Variants in CHODL observed in about 807,000 individuals in gnomAD.
CHODL encodes transmembrane protein MT75.
In CHODL, 29 loss-of-function variants were observed where a neutral mutation model predicts 34.5. That is an observed-to-expected ratio of 0.84 (90% CI 0.63 to 1.15). The LOEUF (loss-of-function observed/expected upper bound fraction) is 1.15, where lower values mean the gene tolerates loss of function less well. Ranked by LOEUF, CHODL falls within the 50% of genes most tolerant of loss-of-function variation. The pLI is 0.00. For missense variants in CHODL, 332 were observed against 332.5 expected (o/e 1.00, Z 0.01); for synonymous variants, 125 against 116.1 (o/e 1.08, Z -0.49).
intron 2 of CHODL, among the ~76,000 whole-genome samples, chr21:18,091,061 G>A (rs2065067362): frequency 6.6e-6 from 1 of 152,188 alleles, no homozygotes; most frequent in Non-Finnish European, 1.5e-5. Context: ...ACAGCACCTG[G>A]GGGACTTTGC....
At chr21:18,107,203 A>G (rs942231932) in intron 2 of CHODL, among the ~76,000 whole-genome samples, 6 of 152,222 alleles carry the variant, frequency 3.9e-5, no homozygotes, top group Middle Eastern at 3.2e-3. Context: ...TTTGAGAATG[A>G]TAATGAATTG....
At chr21:18,077,949 TGAAGAA>T (rs932139351) in intron 2 of CHODL, among the ~76,000 whole-genome samples, 1 of 152,200 alleles carries the variant, frequency 6.6e-6, no homozygotes, top group Non-Finnish European at 1.5e-5. Context: ...ACAATGGCCT[TGAAGAA>T]GAAGGGGAGA....
At chr21:18,214,918 T>A (rs777518406) in intron 2 of CHODL, among the ~76,000 whole-genome samples, 33 of 151,860 alleles carry the variant, frequency 2.2e-4, no homozygotes, top group Admixed American at 3.3e-4. Context: ...ATTAACAACA[T>A]ACATACATAC....
intron 1 of CHODL, among the ~76,000 whole-genome samples, chr21:17,945,608 TC>T (rs2063400869): frequency 6.6e-6 from 1 of 152,126 alleles, no homozygotes; most frequent in Non-Finnish European, 1.5e-5. Flanking sequence ...ATTATGGAAT[TC>T]AATCAAGAAA....
rs1313859372 is a variant in CHODL, at chr21:17,926,189, CAT to C, written c.-145+8790_-145+8791del. Reference sequence around the variant, plus strand: ...TATTAGTCCAACTAATTAAACATAACATGTGTTGATATTTGTATTGCCATTTT... The same window carrying C: ...TATTAGTCCAACTAATTAAACATAACGTGTTGATATTTGTATTGCCATTTT... On this transcript the variant is annotated intron_variant, in intron 1 of 6. Coordinates refer to the CHODL transcript ENST00000400127. Among the ~76,000 whole-genome samples the C allele has an allele frequency of 9.2e-5, 14 of 152,092 alleles. No homozygotes were observed. In the East Asian group the frequency reaches 1.5e-3, roughly 17 times the overall value.
intron 1 of CHODL, among the ~76,000 whole-genome samples, chr21:18,020,778 G>T (rs1033472028): frequency 1.3e-5 from 2 of 152,232 alleles, no homozygotes; most frequent in Admixed American, 1.3e-4. Context: ...AGGTCATAAG[G>T]GTAAGGCCCT....
At chr21:18,184,458 A>C (rs928970800) in intron 2 of CHODL, among the ~76,000 whole-genome samples, 1 of 152,242 alleles carries the variant, frequency 6.6e-6, no homozygotes. Flanking sequence ...AAATGATGAT[A>C]GGAATAAGCA....
At chr21:18,074,632 T>G (rs1227377019) in intron 2 of CHODL, among the ~76,000 whole-genome samples, 2 of 152,180 alleles carry the variant, frequency 1.3e-5, no homozygotes, top group Non-Finnish European at 2.9e-5. Flanking sequence ...TTGATATGTT[T>G]AAAATTTCCC....
intron 1 of CHODL, among the ~76,000 whole-genome samples, chr21:17,982,854 C>G (rs1381349689): frequency 6.6e-6 from 1 of 151,376 alleles, no homozygotes; most frequent in Non-Finnish European, 1.5e-5. Flanking sequence ...GGGATTACAG[C>G]CATGAACCAC....
intron 2 of CHODL, among the ~76,000 whole-genome samples, chr21:18,083,105 T>C (rs1015498494): frequency 6.6e-6 from 1 of 152,204 alleles, no homozygotes; most frequent in Admixed American, 6.5e-5. Flanking sequence ...AATTGTTTCA[T>C]GGGCTGGGCC....
chr21:18,217,544 A>T (rs540204852), intron 2 of CHODL, among the ~76,000 whole-genome samples: 1 of 152,116 alleles, frequency 6.6e-6, no homozygotes, highest in Non-Finnish European at 1.5e-5. Context: ...GGTGGGGATT[A>T]TAGGAACTAC....
chr21:18,213,028 G>C (rs2146725888), intron 2 of CHODL, among the ~76,000 whole-genome samples: 1 of 152,230 alleles, frequency 6.6e-6, no homozygotes, highest in South Asian at 2.1e-4. Context: ...AGATGGAGAT[G>C]TGATGGTTTG....
chr21:17,992,717 TG>T (rs1555848001), intron 1 of CHODL, among the ~76,000 whole-genome samples: 58,970 of 123,390 alleles, frequency 0.48, 15,586 homozygotes, highest in South Asian at 0.7. Flanking sequence ...CTGGTGGAGT[TG>T]TTTTTTTTTT....
chr21:18,194,194 A>G (rs1358733509), intron 2 of CHODL, among the ~76,000 whole-genome samples: 1 of 152,130 alleles, frequency 6.6e-6, no homozygotes, highest in East Asian at 1.9e-4. Context: ...AAAATTATCA[A>G]AATCTCAAAT....
At chr21:17,965,832 G>A (rs1401395668) in intron 1 of CHODL, among the ~76,000 whole-genome samples, 1 of 151,412 alleles carries the variant, frequency 6.6e-6, no homozygotes, top group African/African-American at 2.4e-5. Context: ...AGAGTTACAT[G>A]ACCAAGATAT....
At chr21:17,998,977 A>G (rs2146397303) in intron 1 of CHODL, among the ~76,000 whole-genome samples, 1 of 152,310 alleles carries the variant, frequency 6.6e-6, no homozygotes, top group South Asian at 2.1e-4. Flanking sequence ...TGGGTTTTTC[A>G]TTCCTACTGC....
At chr21:18,257,156 G>A (rs565367785) in intron 3 of CHODL, 29 bp downstream of exon 3, 4 of 1,571,964 alleles carry the variant, frequency 2.5e-6, no homozygotes, top group African/African-American at 2.7e-5. Flanking sequence ...AGGTATAGAA[G>A]ATTTTGTGCA....
rs142845701 is a variant in CHODL at position 17,922,138 on chromosome 21, A to G, written c.-145+4738A>G. Among the ~76,000 whole-genome samples the G allele has an allele frequency of 7.9e-3, 1,201 of 152,246 alleles. 17 individuals carry two copies. The highest frequency in any genetic ancestry group is 0.027 in the African/African-American group (1,112 of 41,532). ...CAGTACAGTTAGAGTGAAGAAAAGA[A>G]GAAGTGAGACAGAGAAGTCTAAGAA... On this transcript the variant is annotated intron_variant, in intron 1 of 6. Coordinates refer to the CHODL transcript ENST00000400127.
chr21:18,076,561 T>G (rs1427773548), intron 2 of CHODL, among the ~76,000 whole-genome samples: 1 of 152,132 alleles, frequency 6.6e-6, no homozygotes, highest in African/African-American at 2.4e-5. Context: ...ACTTGAAGAT[T>G]TGGAATATTC....
Sources: allele counts gnomAD v4.1 joint callset (sites outside exome capture counted in the v4.1 genomes callset), GRCh38; gene constraint gnomAD v4.1.1; transcripts MANE v1.5; gene names NCBI Gene and HGNC (gene_info 2026-07-23, HGNC 2026-07-21).